AAGAB: variants seen among roughly 807,000 people sequenced by gnomAD.
AAGAB encodes alpha and gamma adaptin binding protein, also known as alpha- and gamma-adaptin-binding protein p34.
In AAGAB, 38 loss-of-function variants were observed where a neutral mutation model predicts 44.1. The observed-to-expected ratio is 0.86, with a 90% CI of 0.67 to 1.13. AAGAB has a LOEUF of 1.13. Among genes scored for constraint, AAGAB ranks in the 50% most tolerant of loss-of-function variants. AAGAB has a pLI of 0.00. For missense variants in AAGAB, 450 were observed against 373.8 expected (o/e 1.20, Z -1.68); for synonymous variants, 131 against 131.8 (o/e 0.99, Z 0.04).
At position 67,242,429 on chromosome 15, in the gene AAGAB, CAAAAAAAAAAAAAAA is replaced by C. The variant is rs59817309; in HGVS notation, c.74-5624_74-5610del. 3.4e-4 allele frequency among the ~76,000 whole-genome samples: 20 copies of C among 58,752 alleles called. 1 individual carries two copies. Among genetic ancestry groups the C allele is most frequent in the Admixed American group, 7.7e-4 (3 of 3,896 alleles). 38.5% of individuals were successfully genotyped at this position (58,752 alleles called of 152,430 possible). The stretch of plus-strand genomic sequence containing the variant: ...TGGGCGACAGAGCGAGACTCCGTCT[CAAAAAAAAAAAAAAA>C]AAAAAAAAAAAAAAAAAAAAAATCA... On this transcript the variant is annotated intron_variant, in intron 1 of 9. Coordinates refer to ENST00000261880, the MANE Select transcript of AAGAB (RefSeq NM_024666.5).
At chr15:67,254,762 T>C (rs889712018), upstream of AAGAB, 6 of 1,319,814 alleles carry the variant, frequency 4.5e-6, no homozygotes, top group African/African-American at 5.8e-5. Context: ...ACCCCGCCCC[T>C]AGACCCCCTT....
At chr15:67,233,628 A>G (rs1383351374) in intron 4 of AAGAB, among the ~76,000 whole-genome samples, 1 of 152,222 alleles carries the variant, frequency 6.6e-6, no homozygotes, top group African/African-American at 2.4e-5. Flanking sequence ...GAATATCTGA[A>G]TTTGAACCCA....
At chr15:67,225,991 G>A (rs1187040153) in intron 5 of AAGAB, among the ~76,000 whole-genome samples, 1 of 152,082 alleles carries the variant, frequency 6.6e-6, no homozygotes, top group Non-Finnish European at 1.5e-5. Flanking sequence ...CCCACCATCA[G>A]TGCACAAGGT....
chr15:67,202,772 T>C lies in AAGAB; in HGVS notation c.*49A>G. ...TATGACTGGGCTGAGTAGAGAGGTA[T>C]CTCAGAGACAGCTAGCATCTTTGTT... On this transcript the variant is annotated 3_prime_UTR_variant, in exon 10 of 10. Coordinates refer to ENST00000261880, the MANE Select transcript of AAGAB (RefSeq NM_024666.5). 2 of 1,582,278 alleles carry C rather than the reference T, an allele frequency of 1.3e-6. No homozygotes were observed. Among genetic ancestry groups the C allele is most frequent in the Middle Eastern group, 1.7e-4 (1 of 5,994 alleles).
chr15:67,205,851 T>C (rs1963672878), intron 7 of AAGAB, among the ~76,000 whole-genome samples: 1 of 151,616 alleles, frequency 6.6e-6, no homozygotes, highest in Admixed American at 6.6e-5. Flanking sequence ...TTGGTTTTTG[T>C]TGATTTGGTT....
rs375825862 is a variant in AAGAB, at chr15:67,249,095, C to T, written c.73+5464G>A. 1.9e-3 allele frequency among the ~76,000 whole-genome samples: 291 copies of T among 152,090 alleles called. 4 individuals are homozygous for T. Among genetic ancestry groups the T allele is most frequent in the African/African-American group, 6.8e-3 (283 of 41,484 alleles). On this transcript the variant is annotated intron_variant, in intron 1 of 9. Coordinates refer to ENST00000261880, the MANE Select transcript of AAGAB (RefSeq NM_024666.5). ...TGTCACCCATGCTGGAGTGCAGTGG[C>T]GTGATCTGAGCTTACTAGAACCTCC...
At chr15:67,232,013 G>A (rs1476886418) in intron 4 of AAGAB, 116 bp from the exon 5 acceptor site, 15 of 727,570 alleles carry the variant, frequency 2.1e-5, no homozygotes, top group African/African-American at 3.5e-5. Context: ...CAGCACTTTG[G>A]GAGGCCAAGG....
At chr15:67,218,806 ACT>A (rs1399274505) in intron 5 of AAGAB, among the ~76,000 whole-genome samples, 2 of 152,128 alleles carry the variant, frequency 1.3e-5, no homozygotes, top group Non-Finnish European at 2.9e-5. Flanking sequence ...CACAAACCAG[ACT>A]CTGATAGGAC....
At chr15:67,232,698 C>G (rs1964368946) in intron 4 of AAGAB, 1 of 277,422 alleles carries the variant, frequency 3.6e-6, no homozygotes, top group South Asian at 4.4e-5. Context: ...CAAAAATGAA[C>G]ACAAACATAG....
intron 1 of AAGAB, among the ~76,000 whole-genome samples, chr15:67,249,455 A>G (rs923532764): frequency 4.6e-5 from 7 of 152,222 alleles, no homozygotes; most frequent in African/African-American, 1.7e-4. Flanking sequence ...AGTTCACTCA[A>G]TTGAGAAAAT....
At chr15:67,217,371 T>C (rs904529316) in intron 5 of AAGAB, among the ~76,000 whole-genome samples, 1 of 152,348 alleles carries the variant, frequency 6.6e-6, no homozygotes, top group African/African-American at 2.4e-5. Flanking sequence ...CATTAACGAT[T>C]CTCCTCTAAC....
intron 1 of AAGAB, among the ~76,000 whole-genome samples, chr15:67,238,285 A>T (rs1270276915): frequency 6.6e-6 from 1 of 152,222 alleles, no homozygotes; most frequent in Admixed American, 6.5e-5. Context: ...AGAAATCAGC[A>T]GTTCTTTCTA....
chr15:67,246,584 A>G (rs1387537908), intron 1 of AAGAB, among the ~76,000 whole-genome samples: 1 of 152,188 alleles, frequency 6.6e-6, no homozygotes, highest in Non-Finnish European at 1.5e-5. Flanking sequence ...GAAGCCTGCT[A>G]GACTTCCTGG....
intron 5 of AAGAB, among the ~76,000 whole-genome samples, chr15:67,225,530 G>A (rs112739134): frequency 6.6e-6 from 1 of 152,098 alleles, no homozygotes; most frequent in Non-Finnish European, 1.5e-5. Context: ...CACCACCCCA[G>A]AAAGAAATAC....
chr15:67,225,923 T>C (rs1013070876), intron 5 of AAGAB, among the ~76,000 whole-genome samples: 1 of 152,198 alleles, frequency 6.6e-6, no homozygotes, highest in Non-Finnish European at 1.5e-5. Flanking sequence ...TAATTCTATG[T>C]TTAACTTTTT....
At chr15:67,226,428 A>C (rs1484262373) in intron 5 of AAGAB, among the ~76,000 whole-genome samples, 2 of 152,152 alleles carry the variant, frequency 1.3e-5, no homozygotes, top group African/African-American at 4.8e-5. Context: ...GGCCAACGTT[A>C]AGCATCTATT....
At chr15:67,226,313 G>A (rs1964203551) in intron 5 of AAGAB, among the ~76,000 whole-genome samples, 1 of 151,950 alleles carries the variant, frequency 6.6e-6, no homozygotes, top group Non-Finnish European at 1.5e-5. Context: ...TAGAGACAGA[G>A]TTCTCACTAT....
chr15:67,222,587 T>C (rs1156563962), intron 5 of AAGAB, among the ~76,000 whole-genome samples: 1 of 152,058 alleles, frequency 6.6e-6, no homozygotes, highest in East Asian at 1.9e-4. Flanking sequence ...CAAACCCCCT[T>C]TCCCATGTCT....
At chr15:67,240,256 G>GT (rs1175606496) in intron 1 of AAGAB, among the ~76,000 whole-genome samples, 1 of 152,146 alleles carries the variant, frequency 6.6e-6, no homozygotes, top group East Asian at 1.9e-4. Context: ...TGATCTTGAG[G>GT]TTTTTTTGTT....
Sources: gnomAD v4.1 joint callset for allele counts (sites outside exome capture counted in the v4.1 genomes callset) on GRCh38, gnomAD v4.1.1 for gene constraint, MANE v1.5 for transcripts, NCBI Gene and HGNC (gene_info 2026-07-23, HGNC 2026-07-21) for gene names.